The following KPNA1 variants were observed in gnomAD, a reference collection of about 807,000 sequenced individuals.
The protein encoded by KPNA1 is karyopherin subunit alpha 1.
A neutral mutation model predicts 70.5 loss-of-function variants in KPNA1; 10 were observed. The ratio of observed to expected loss-of-function variants is 0.14; its 90% CI spans 0.09 to 0.24. The LOEUF (loss-of-function observed/expected upper bound fraction) is 0.24, where lower values mean the gene tolerates loss of function less well. Ranked by LOEUF, KPNA1 falls within the 10% of genes least tolerant of loss-of-function variation. The pLI is 1.00. For synonymous variants in KPNA1, 192 were observed against 221.9 expected (o/e 0.87, Z 1.20); for missense variants, 397 against 637.9 (o/e 0.62, Z 4.07).
At chr3:122,495,313 A>G (rs2076747041) in intron 2 of KPNA1, among the ~76,000 whole-genome samples, 3 of 151,812 alleles carry the variant, frequency 2.0e-5, no homozygotes. Flanking sequence ...ACTAATTTAA[A>G]AGCTCTGTGA....
Position 122,426,833 on chromosome 3 carries a change from G to C in KPNA1, c.*152C>G. The C allele has an allele frequency of 1.7e-6, 1 of 602,526 alleles. No homozygotes were observed. The highest frequency in any genetic ancestry group is 1.9e-5 in the African/African-American group (1 of 53,978). 37.3% of individuals were successfully genotyped at this position (602,526 alleles called of 1,614,324 possible). A position where few individuals can be genotyped will look rare whatever the true frequency, so the allele number is the denominator to read the frequency against. On this transcript the variant is annotated 3_prime_UTR_variant, in exon 14 of 14. Coordinates refer to ENST00000344337, the MANE Select transcript of KPNA1 (RefSeq NM_002264.4). The stretch of plus-strand genomic sequence containing the variant: ...AGAGCCGGAGGTTTTCCAGATGTGT[G>C]TAAGAGAGCAGGTGCGCAAGGCAAG...
rs936140124 is a variant in KPNA1, at chr3:122,460,127, G to C, written c.432+1097C>G. On this transcript the variant is annotated intron_variant, in intron 5 of 13. Coordinates refer to ENST00000344337, the MANE Select transcript of KPNA1 (RefSeq NM_002264.4). ...ATTTTTATAGCTGCATAGTCTCAGG[G>C]CCCAAGCCTTTGAGATTAGATCCTA... The C allele has an allele frequency of 6.1e-6, 6 of 985,144 alleles. No individual in the cohort carries two copies. In the African/African-American group the frequency reaches 1.0e-4, roughly 17 times the overall value. The allele number at this position is 985,144 out of a possible 1,614,324, so 61.0% of individuals were successfully genotyped here.
intron 11 of KPNA1, among the ~76,000 whole-genome samples, chr3:122,436,056 AAC>A (rs765992095): frequency 6.6e-6 from 1 of 152,214 alleles, no homozygotes; most frequent in Non-Finnish European, 1.5e-5. Flanking sequence ...CTCAGCAAGG[AAC>A]AGTCATGAGA....
At chr3:122,495,262 C>CAAAAAAAAAAAAAAAAAAAAAA (rs748751423) in intron 2 of KPNA1, among the ~76,000 whole-genome samples, 16 of 86,464 alleles carry the variant, frequency 1.9e-4, no homozygotes, top group East Asian at 1.2e-3. Context: ...TCAAACAAAC[C>CAAAAAAAAAAAAAAAAAAAAAA]AAAAAAAAAA....
intron 12 of KPNA1, among the ~76,000 whole-genome samples, chr3:122,431,532 G>A (rs868251649): frequency 6.6e-6 from 1 of 152,136 alleles, no homozygotes; most frequent in Non-Finnish European, 1.5e-5. Context: ...GCAGAAGCCA[G>A]ATAGATGTCT....
Position 122,422,536 on chromosome 3 carries a change from C to T in KPNA1, c.*4449G>A, listed in dbSNP as rs2075774667. 6.6e-6 allele frequency: 1 copy of T among 152,062 alleles called. No homozygotes were observed. Among genetic ancestry groups the T allele is most frequent in the Non-Finnish European group, 1.5e-5 (1 of 68,006 alleles). 9.4% of individuals were successfully genotyped at this position (152,062 alleles called of 1,614,324 possible). Reference sequence around the variant, plus strand: ...GCAGGAGTCAGGAAGAATGGTCTAACAAAAAAGGCTGGCCCAGCTGTGGTT... The same window carrying T: ...GCAGGAGTCAGGAAGAATGGTCTAATAAAAAAGGCTGGCCCAGCTGTGGTT... On this transcript the variant is annotated 3_prime_UTR_variant, in exon 14 of 14. Transcript: ENST00000344337.
rs10045 is a variant in KPNA1, at chr3:122,426,105, G to A, written c.*880C>T. ...TTTGGGAAAATTGGAGGGTTTTTTC[G>A]TCCTTAGTTTTTTTTATTAAATTAC... On this transcript the variant is annotated 3_prime_UTR_variant, in exon 14 of 14. Coordinates refer to ENST00000344337, the MANE Select transcript of KPNA1 (RefSeq NM_002264.4). The A allele has an allele frequency of 0.069, 10,502 of 151,964 alleles. 488 individuals are homozygous for A. The highest frequency in any genetic ancestry group is 0.12 in the Admixed American group (1,880 of 15,278). The allele number at this position is 151,964 out of a possible 1,614,324, so 9.4% of individuals were successfully genotyped here.
chr3:122,427,715 A>G lies in KPNA1; in HGVS notation c.1252T>C (p.Tyr418His). The change falls in exon 13 of 14, where the codon TAC (tyrosine) becomes CAC (histidine). Residue 418 changes from tyrosine (Y) to histidine (H), a missense_variant and splice_region_variant. Transcript: ENST00000344337. Reference protein sequence around the residue: ...TSGGSAEQIKYLVELGCIKPL... With the variant: ...TSGGSAEQIKHLVELGCIKPL... ...TTGATACAACCCAGTTCTACTAGGT[A>G]CCTAAATACAAAGAATAATGTAGTC... 1 of 1,561,242 alleles carries G rather than the reference A, an allele frequency of 6.4e-7. No individual in the cohort carries two copies. Among genetic ancestry groups the G allele is most frequent in the Non-Finnish European group, 8.7e-7 (1 of 1,151,418 alleles).
intron 2 of KPNA1, among the ~76,000 whole-genome samples, chr3:122,485,455 CA>C (rs11289502): frequency 0.53 from 73,207 of 138,920 alleles, 18,268 homozygotes; most frequent in East Asian, 0.65. Flanking sequence ...AGCCATATGC[CA>C]AAAAAAAAAA....
rs1327232984 is a variant in KPNA1 at position 122,507,983 on chromosome 3, A to ATGGCTTTCCAT, written c.-6+6773_-6+6774insATGGAAAGCCA. The stretch of plus-strand genomic sequence containing the variant: ...TGCACTTTTCTTCCCATATCATATT[A>ATGGCTTTCCAT]ACTCAAAGCCAGAAATTCAATTTTA... On this transcript the variant is annotated intron_variant, in intron 1 of 13. Coordinates refer to ENST00000344337, the MANE Select transcript of KPNA1 (RefSeq NM_002264.4). 2.0e-5 allele frequency among the ~76,000 whole-genome samples: 3 copies of ATGGCTTTCCAT among 152,214 alleles called. No individual in the cohort carries two copies. The East Asian group carries it at 5.8e-4, about 29-fold the overall frequency.
At chr3:122,480,716 G>A (rs553280095) in intron 2 of KPNA1, among the ~76,000 whole-genome samples, 94 of 152,052 alleles carry the variant, frequency 6.2e-4, no homozygotes, top group African/African-American at 2.1e-3. Flanking sequence ...GCCAGGCACA[G>A]TGCCTCACAC....
chr3:122,462,166 G>A (rs1427084316), intron 4 of KPNA1, among the ~76,000 whole-genome samples: 1 of 152,122 alleles, frequency 6.6e-6, no homozygotes, highest in Non-Finnish European at 1.5e-5. Context: ...TAGTTAATAT[G>A]CTGAGTTACA....
At chr3:122,470,778 G>A (rs2076432489) in intron 2 of KPNA1, among the ~76,000 whole-genome samples, 2 of 151,098 alleles carry the variant, frequency 1.3e-5, no homozygotes, top group South Asian at 4.2e-4. Context: ...ACAGAAAATG[G>A]AAATCATATA....
chr3:122,498,443 T>A (rs1219295110), intron 1 of KPNA1, among the ~76,000 whole-genome samples: 1 of 152,222 alleles, frequency 6.6e-6, no homozygotes, highest in Non-Finnish European at 1.5e-5. Flanking sequence ...CTTCCCAGCA[T>A]CCAGAACTGT....
intron 1 of KPNA1, chr3:122,514,378 G>A (rs1365073057): frequency 1.9e-5 from 1 of 51,930 alleles, no homozygotes; most frequent in Non-Finnish European, 4.1e-5. Flanking sequence ...CCCGCCTCCC[G>A]CCCGCCGCCC....
At chr3:122,489,441 A>C (rs2076672304) in intron 2 of KPNA1, among the ~76,000 whole-genome samples, 1 of 151,210 alleles carries the variant, frequency 6.6e-6, no homozygotes, top group Non-Finnish European at 1.5e-5. Context: ...GTGCGCCACT[A>C]AGCCTGGCTA....
intron 5 of KPNA1, chr3:122,460,018 G>C: frequency 1.0e-6 from 1 of 985,232 alleles, no homozygotes; most frequent in Non-Finnish European, 1.2e-6. Context: ...ACAAGGGGTG[G>C]GGGATATCTT....
At chr3:122,451,676 T>C in intron 7 of KPNA1, 43 bp from the exon 8 acceptor site, 2 of 1,219,278 alleles carry the variant, frequency 1.6e-6, no homozygotes, top group Non-Finnish European at 2.4e-6. Flanking sequence ...TAACAGACAG[T>C]GATTATCTGA....
chr3:122,498,105 T>C (rs2076784708), intron 1 of KPNA1, among the ~76,000 whole-genome samples: 1 of 152,238 alleles, frequency 6.6e-6, no homozygotes, highest in African/African-American at 2.4e-5. Flanking sequence ...TCTATCCAGC[T>C]GTCCCAACAA....
Sources: allele counts gnomAD v4.1 joint callset (sites outside exome capture counted in the v4.1 genomes callset), GRCh38; gene constraint gnomAD v4.1.1; transcripts MANE v1.5; gene names NCBI Gene and HGNC (gene_info 2026-07-23, HGNC 2026-07-21).